NCOA2: variants seen among roughly 807,000 people sequenced by gnomAD.
The protein encoded by NCOA2 is nuclear receptor coactivator 2.
NCOA2 carries 21 observed loss-of-function variants against 145.1 expected under a neutral mutation model. The ratio of observed to expected loss-of-function variants is 0.14; its 90% confidence interval spans 0.10 to 0.21. The LOEUF is 0.21. NCOA2 is among the 10% of genes least tolerant of loss of function. The probability of loss-of-function intolerance (pLI) is 1.00; values close to 1 mark genes in which losing one functional copy is unlikely to be tolerated. For missense variants in NCOA2, 1,472 were observed against 1,837.6 expected (o/e 0.80, Z 3.64); for synonymous variants, 619 against 637.5 (o/e 0.97, Z 0.44).
chr8:70,398,360 G>A (rs1310033516), intron 1 of NCOA2, among the ~76,000 whole-genome samples: 4 of 152,136 alleles, frequency 2.6e-5, no homozygotes, highest in East Asian at 3.8e-4. Context: ...TTGGGAGGCT[G>A]GGTCAGGAGG....
intron 16 of NCOA2, among the ~76,000 whole-genome samples, chr8:70,131,140 A>T (rs1029596168): frequency 2.6e-5 from 4 of 152,190 alleles, no homozygotes; most frequent in African/African-American, 9.6e-5. Flanking sequence ...AAGGAACTGT[A>T]GCTAGGACTA....
At chr8:70,199,695 G>T (rs930628359) in intron 4 of NCOA2, among the ~76,000 whole-genome samples, 2 of 152,058 alleles carry the variant, frequency 1.3e-5, no homozygotes, top group African/African-American at 2.4e-5. Context: ...AAACAGTATG[G>T]TGACAAGAAA....
chr8:70,403,912 C>G (rs1171054582), upstream of NCOA2: 4 of 373,956 alleles, frequency 1.1e-5, no homozygotes, highest in Non-Finnish European at 1.9e-5. Flanking sequence ...ACAGACAGCG[C>G]GAGCTCGCGA....
intron 1 of NCOA2, among the ~76,000 whole-genome samples, chr8:70,339,006 T>C (rs902427999): frequency 6.6e-6 from 1 of 151,822 alleles, no homozygotes; most frequent in Non-Finnish European, 1.5e-5. Flanking sequence ...CTGGAAGCAT[T>C]TCCCTTGAAA....
At chr8:70,267,950 A>C (rs1443809941) in intron 2 of NCOA2, among the ~76,000 whole-genome samples, 1 of 152,238 alleles carries the variant, frequency 6.6e-6, no homozygotes, top group Admixed American at 6.5e-5. Flanking sequence ...ATCGTTTTTC[A>C]TATTTGACTT....
intron 1 of NCOA2, among the ~76,000 whole-genome samples, chr8:70,328,361 A>T (rs1344232912): frequency 3.3e-5 from 5 of 152,202 alleles, no homozygotes; most frequent in Non-Finnish European, 7.3e-5. Flanking sequence ...GACAATTTGT[A>T]TGTTTCTACG....
intron 10 of NCOA2, among the ~76,000 whole-genome samples, chr8:70,158,652 G>A (rs951102959): frequency 6.6e-6 from 1 of 152,136 alleles, no homozygotes; most frequent in African/African-American, 2.4e-5. Flanking sequence ...CTCAGGAGGT[G>A]GAGGCACAAG....
chr8:70,331,292 T>C (rs1192008081), intron 1 of NCOA2, among the ~76,000 whole-genome samples: 1 of 151,908 alleles, frequency 6.6e-6, no homozygotes, highest in Non-Finnish European at 1.5e-5. Context: ...CACAATAGAG[T>C]ATAGCACATA....
intron 18 of NCOA2, 99 bp downstream of exon 18, chr8:70,128,333 TG>T: frequency 1.0e-6 from 1 of 993,804 alleles, no homozygotes; most frequent in Non-Finnish European, 1.5e-6. Flanking sequence ...TGTGCTGATC[TG>T]GATCCACGTC....
chr8:70,403,327 C>T (rs1177624834), intron 1 of NCOA2, among the ~76,000 whole-genome samples: 1 of 151,274 alleles, frequency 6.6e-6, no homozygotes. Flanking sequence ...CGCGCCTCGG[C>T]GCTCACCTCT....
At chr8:70,218,428 T>G (rs1248954097) in intron 2 of NCOA2, among the ~76,000 whole-genome samples, 1 of 152,112 alleles carries the variant, frequency 6.6e-6, no homozygotes, top group Non-Finnish European at 1.5e-5. Flanking sequence ...TAATCTGTAT[T>G]TATTTACTAT....
At chr8:70,302,581 ACCT>A (rs1827592022) in intron 1 of NCOA2, among the ~76,000 whole-genome samples, 1 of 152,112 alleles carries the variant, frequency 6.6e-6, no homozygotes, top group African/African-American at 2.4e-5. Flanking sequence ...ACATTAACTA[ACCT>A]CCTACTTATT....
At position 70,171,902 on chromosome 8, in the gene NCOA2, C is replaced by T. The variant is rs189101726; in HGVS notation, c.364-1523G>A. On this transcript the variant is annotated intron_variant, in intron 5 of 22. Transcript: ENST00000452400. ...GCAATGGCATGATCATGGCTCACTG[C>T]AGCCTTCACCTCCTGGGCCCAAGTG... 1.4e-3 allele frequency among the ~76,000 whole-genome samples: 207 copies of T among 152,320 alleles called. 2 individuals carry two copies. The highest frequency in any genetic ancestry group is 2.6e-3 in the Non-Finnish European group (180 of 68,030).
intron 5 of NCOA2, among the ~76,000 whole-genome samples, chr8:70,172,828 G>A (rs1339119959): frequency 1.3e-5 from 2 of 152,186 alleles, no homozygotes; most frequent in Non-Finnish European, 2.9e-5. Context: ...AAAACTGAAA[G>A]ACGAAATTGT....
chr8:70,249,705 G>C (rs920768677), intron 2 of NCOA2, among the ~76,000 whole-genome samples: 2 of 152,092 alleles, frequency 1.3e-5, no homozygotes, highest in Admixed American at 6.5e-5. Flanking sequence ...GCTCATGTCT[G>C]TAATCCCAGC....
intron 2 of NCOA2, among the ~76,000 whole-genome samples, chr8:70,269,337 T>C (rs996509508): frequency 6.6e-6 from 1 of 152,104 alleles, no homozygotes; most frequent in Non-Finnish European, 1.5e-5. Context: ...AGGGCCTAGG[T>C]GCAGTGGCTC....
chr8:70,270,660 TA>T (rs1212401520), intron 2 of NCOA2, among the ~76,000 whole-genome samples: 2 of 152,090 alleles, frequency 1.3e-5, no homozygotes, highest in African/African-American at 4.8e-5. Flanking sequence ...TAAAAAACCA[TA>T]AAAAAATTCT....
intron 4 of NCOA2, among the ~76,000 whole-genome samples, chr8:70,209,918 T>C (rs535244610): frequency 2.0e-4 from 31 of 152,346 alleles, no homozygotes; most frequent in African/African-American, 7.0e-4. Context: ...TTCTGTGGAA[T>C]AGAAGCAATA....
chr8:70,256,537 T>G (rs987649493), intron 2 of NCOA2, among the ~76,000 whole-genome samples: 1 of 152,346 alleles, frequency 6.6e-6, no homozygotes, highest in South Asian at 2.1e-4. Flanking sequence ...AGGTGCCCCA[T>G]TCTTTATACC....
Sources: allele counts gnomAD v4.1 joint callset (sites outside exome capture counted in the v4.1 genomes callset), GRCh38; gene constraint gnomAD v4.1.1; transcripts MANE v1.5; gene names NCBI Gene and HGNC (gene_info 2026-07-23, HGNC 2026-07-21).